The following USP49 variants were observed in gnomAD, a reference collection of about 807,000 sequenced individuals.
USP49 encodes ubiquitin specific peptidase 49, also known as ubiquitin carboxyl-terminal hydrolase 49.
A neutral mutation model predicts 58.6 loss-of-function variants in USP49; 24 were observed. The ratio of observed to expected loss-of-function variants is 0.41; its 90% confidence interval spans 0.30 to 0.58. USP49 has a LOEUF of 0.58. Ranked by LOEUF, USP49 falls within the 20% of genes least tolerant of loss-of-function variation. The pLI, the probability that USP49 is intolerant of heterozygous loss-of-function variation, is 0.30. For missense variants in USP49, 703 were observed against 866.1 expected, an observed-to-expected ratio of 0.81 and a Z score of 2.36; for synonymous variants, 408 against 365.1, an observed-to-expected ratio of 1.12 and a Z score of -1.34.
rs115530255 is a variant in USP49, at chr6:41,813,912, C to T, written c.-28-6901G>A. Among the ~76,000 whole-genome samples the T allele has an allele frequency of 3.9e-3, 597 of 152,322 alleles. 4 individuals are homozygous for T. Among genetic ancestry groups the T allele is most frequent in the African/African-American group, 0.014 (578 of 41,572 alleles). Reference sequence around the variant, plus strand: ...AAGAAAGAAGATGTGTTTAAGTCACCTCTCACACATACTCTGACCACTTTA... The same window carrying T: ...AAGAAAGAAGATGTGTTTAAGTCACTTCTCACACATACTCTGACCACTTTA... On this transcript the variant is annotated intron_variant, in intron 3 of 7. Coordinates refer to ENST00000682992, the MANE Select transcript of USP49 (RefSeq NM_001286554.2).
At chr6:41,878,305 T>C (rs1774537775) in intron 2 of USP49, among the ~76,000 whole-genome samples, 1 of 152,132 alleles carries the variant, frequency 6.6e-6, no homozygotes, top group African/African-American at 2.4e-5. Context: ...AATCCTAAAA[T>C]GTGTTGGGTA....
At chr6:41,850,653 G>A (rs1774011264) in intron 3 of USP49, among the ~76,000 whole-genome samples, 2 of 149,306 alleles carry the variant, frequency 1.3e-5, no homozygotes, top group Non-Finnish European at 3.0e-5. Context: ...TTGCCAGGCT[G>A]GAGTGCAGTG....
chr6:41,816,228 T>C (rs1418507064), intron 3 of USP49, among the ~76,000 whole-genome samples: 1 of 152,234 alleles, frequency 6.6e-6, no homozygotes. Context: ...ATTTTTAGAT[T>C]CTTTCTCCTT....
intron 5 of USP49, among the ~76,000 whole-genome samples, chr6:41,802,776 C>CAGA (rs2127320515): frequency 6.6e-6 from 1 of 152,216 alleles, no homozygotes; most frequent in East Asian, 1.9e-4. Flanking sequence ...ACTGGATTAG[C>CAGA]AGAAGCATTA....
At chr6:41,833,020 CTT>C (rs200870810) in intron 3 of USP49, 84 of 138,376 alleles carry the variant, frequency 6.1e-4, no homozygotes, top group Admixed American at 1.4e-3. Context: ...TTTCTTTTTT[CTT>C]TTTTTTTTTT....
In USP49 at chr6:41,806,799, C is replaced by G. The variant is rs942652256; in HGVS notation, c.185G>C (p.Gly62Ala). Residue 62 changes from glycine (G) to alanine (A), a missense_variant, in exon 4 of 8, where the codon GGA becomes GCA. By Grantham distance (60) the Gly-to-Ala change is moderately conservative. This residue lies in a region of USP49 where 376 missense variants were observed against 373.5 expected (regional missense o/e 1.01). Coordinates refer to ENST00000682992, the MANE Select transcript of USP49 (RefSeq NM_001286554.2). This position sits in a 1 kb window ranked among gnomAD's most constrained non-coding sequence, Gnocchi z 5.9. ...CCGGACTTCCATGGCTAGCGGGTGT[C>G]CCGTCTCCTCAAAGTGTTTCAGGGC... ...DHALKHFEET[G>A]HPLAMEVRDL... 3 of 1,614,090 alleles carry G rather than the reference C, an allele frequency of 1.9e-6. No individual in the cohort carries two copies. Among genetic ancestry groups the G allele is most frequent in the Non-Finnish European group, 2.5e-6 (3 of 1,180,042 alleles).
intron 7 of USP49, 56 bp from the exon 8 acceptor site, chr6:41,796,779 C>A: frequency 2.9e-6 from 2 of 698,166 alleles, no homozygotes; most frequent in South Asian, 3.1e-5. Flanking sequence ...ATATTTTAGT[C>A]AGCAGGCAAA....
At chr6:41,837,695 T>C (rs2063953800) in intron 3 of USP49, among the ~76,000 whole-genome samples, 1 of 152,084 alleles carries the variant, frequency 6.6e-6, no homozygotes, top group Admixed American at 6.6e-5. Flanking sequence ...GAGAAAATAT[T>C]TGCAAGCTAT....
At chr6:41,829,305 G>T (rs1414600721) in intron 3 of USP49, among the ~76,000 whole-genome samples, 1 of 151,826 alleles carries the variant, frequency 6.6e-6, no homozygotes, top group Non-Finnish European at 1.5e-5. Context: ...ATAATTTGTG[G>T]ATTCTCTTGA....
At chr6:41,829,607 C>G (rs1346153142) in intron 3 of USP49, among the ~76,000 whole-genome samples, 3 of 152,212 alleles carry the variant, frequency 2.0e-5, no homozygotes, top group Non-Finnish European at 2.9e-5. Flanking sequence ...GCCACCGCGC[C>G]TGGCGGATTC....
chr6:41,817,150 CTT>C (rs34281670), intron 3 of USP49, among the ~76,000 whole-genome samples: 6 of 104,314 alleles, frequency 5.8e-5, no homozygotes, highest in Non-Finnish European at 5.3e-5. Flanking sequence ...CCCACGCATG[CTT>C]TTTTTTTTTT....
intron 3 of USP49, among the ~76,000 whole-genome samples, chr6:41,810,563 T>C (rs1278839157): frequency 2.0e-5 from 3 of 151,382 alleles, no homozygotes; most frequent in South Asian, 2.1e-4. Flanking sequence ...TTTTTTTTTT[T>C]TGAGACAGAG....
intron 2 of USP49, among the ~76,000 whole-genome samples, chr6:41,883,711 T>C (rs565508236): frequency 6.6e-6 from 1 of 152,014 alleles, no homozygotes; most frequent in East Asian, 1.9e-4. Flanking sequence ...TAATACCAAG[T>C]GTTGGGAGGG....
chr6:41,856,844 T>C (rs1268639202), intron 3 of USP49, among the ~76,000 whole-genome samples: 1 of 152,216 alleles, frequency 6.6e-6, no homozygotes. Flanking sequence ...TTCTATTTTA[T>C]TATTGTTGTT....
Position 41,793,251 on chromosome 6 carries a change from TTTTTTGTTTTTG to T in USP49, c.*3270_*3281del, listed in dbSNP as rs1384578026. 3 of 152,470 alleles carry T rather than the reference TTTTTTGTTTTTG, an allele frequency of 2.0e-5. No homozygotes were observed. Among genetic ancestry groups the T allele is most frequent in the Admixed American group, 6.7e-5 (1 of 14,858 alleles). The allele number at this position is 152,470 out of a possible 1,614,324, so 9.4% of individuals were successfully genotyped here. A position where few individuals can be genotyped will look rare whatever the true frequency, so the allele number is the denominator to read the frequency against. ...AGAGACATCTGGAAATTCTTTTTTT[TTTTTTGTTTTTG>T]TTTTTGTTTTTTTTTTAAGACAGAG... On this transcript the variant is annotated 3_prime_UTR_variant, in exon 8 of 8. Transcript: ENST00000682992.
chr6:41,864,672 T>C (rs1385714578), intron 3 of USP49, among the ~76,000 whole-genome samples: 1 of 152,192 alleles, frequency 6.6e-6, no homozygotes. Flanking sequence ...ATTAAAATAA[T>C]TTTTGGAAAA....
intron 3 of USP49, among the ~76,000 whole-genome samples, chr6:41,858,934 A>G (rs933703731): frequency 7.9e-5 from 12 of 152,180 alleles, no homozygotes; most frequent in African/African-American, 2.9e-4. Flanking sequence ...TTTGGGTCAC[A>G]GCTATATCTC....
intron 3 of USP49, among the ~76,000 whole-genome samples, chr6:41,866,490 T>C (rs957622697): frequency 3.9e-5 from 6 of 152,074 alleles, no homozygotes; most frequent in South Asian, 2.1e-4. Flanking sequence ...TGAAAGAACA[T>C]GAAAGGGCCT....
chr6:41,802,432 A>ATTTTATTTTATTTTATTTT (rs772710803), intron 5 of USP49, among the ~76,000 whole-genome samples: 4 of 58,796 alleles, frequency 6.8e-5, no homozygotes, highest in Non-Finnish European at 1.3e-4. Context: ...ATTTTATTTT[A>ATTTTATTTTATTTTATTTT]TTTATTTATT....
Sources: allele counts gnomAD v4.1 joint callset (sites outside exome capture counted in the v4.1 genomes callset), GRCh38; gene constraint gnomAD v4.1.1; regional missense constraint gnomAD v4.1.1; non-coding constraint Gnocchi (gnomAD v3.1); transcripts MANE v1.5; gene names NCBI Gene and HGNC (gene_info 2026-07-23, HGNC 2026-07-21).